The following PHACTR1 variants were observed in gnomAD, a reference collection of about 807,000 sequenced individuals.
PHACTR1 encodes the protein phosphatase and actin regulator 1.
Under a neutral mutation model 69.2 loss-of-function variants are expected in PHACTR1, and 16 were observed. That is an observed-to-expected ratio of 0.23 (90% confidence interval 0.16 to 0.35). The LOEUF (loss-of-function observed/expected upper bound fraction) is 0.35, where lower values mean the gene tolerates loss of function less well. Among genes scored for constraint, PHACTR1 ranks in the 10% least tolerant of loss-of-function variants. The pLI, the probability that PHACTR1 is intolerant of heterozygous loss-of-function variation, is 1.00. For missense variants in PHACTR1, 510 were observed against 734.7 expected (o/e 0.69, Z 3.54); for synonymous variants, 312 against 284.5 (o/e 1.10, Z -0.97).
intron 4 of PHACTR1, among the ~76,000 whole-genome samples, chr6:12,870,967 A>G (rs887103501): frequency 1.3e-5 from 2 of 152,220 alleles, no homozygotes; most frequent in Non-Finnish European, 2.9e-5. Flanking sequence ...CTGTCTTGAG[A>G]CTAAGACTCG....
chr6:13,141,669 T>C (rs1268209526), intron 5 of PHACTR1, among the ~76,000 whole-genome samples: 1 of 151,946 alleles, frequency 6.6e-6, no homozygotes, highest in Non-Finnish European at 1.5e-5. Context: ...GCACTGTGCT[T>C]TTAGACCTTT....
Position 13,000,614 on chromosome 6 carries a change from G to GAGGAAGGAAGGAATGA in PHACTR1, c.251-52738_251-52737insTGAAGGAAGGAAGGAA, listed in dbSNP as rs1797965200. Among the ~76,000 whole-genome samples, 5 of 103,650 alleles carry GAGGAAGGAAGGAATGA rather than the reference G, an allele frequency of 4.8e-5. No homozygotes were observed. In the South Asian group the frequency reaches 1.7e-3, roughly 35 times the overall value. The allele number at this position is 103,650 out of a possible 152,430, so 68.0% of individuals were successfully genotyped here. A position where few individuals can be genotyped will look rare whatever the true frequency, so the allele number is the denominator to read the frequency against. Reference sequence around the variant, plus strand: ...AGAGAAGAGAGGGAAGGAGGGAAGGGAGGAAGGAAGGAAGGAAGGAAGGAA... The same window carrying GAGGAAGGAAGGAATGA: ...AGAGAAGAGAGGGAAGGAGGGAAGGGAGGAAGGAAGGAATGAAGGAAGGAAGGAAGGAAGGAAGGAA... On this transcript the variant is annotated intron_variant, in intron 4 of 14. Transcript: ENST00000332995.
At chr6:13,161,428 G>A (rs1758992783) in intron 6 of PHACTR1, among the ~76,000 whole-genome samples, 1 of 151,984 alleles carries the variant, frequency 6.6e-6, no homozygotes, top group Non-Finnish European at 1.5e-5. Flanking sequence ...ATAACAGACT[G>A]TCACTTCCAA....
At chr6:13,171,878 T>C (rs1760674926) in intron 6 of PHACTR1, among the ~76,000 whole-genome samples, 1 of 152,200 alleles carries the variant, frequency 6.6e-6, no homozygotes, top group African/African-American at 2.4e-5. Flanking sequence ...GTGATTCTCC[T>C]GCCTCAGCTC....
At chr6:13,090,077 G>A (rs370161469) in intron 5 of PHACTR1, among the ~76,000 whole-genome samples, 5 of 152,178 alleles carry the variant, frequency 3.3e-5, no homozygotes, top group South Asian at 4.2e-4. Flanking sequence ...TTTTTGAGAC[G>A]GAGTTTCGCT....
chr6:13,006,593 T>TAC (rs1798823887), intron 4 of PHACTR1, among the ~76,000 whole-genome samples: 1 of 151,196 alleles, frequency 6.6e-6, no homozygotes, highest in Admixed American at 6.6e-5. Context: ...AATAAGGTGA[T>TAC]ATATACACAA....
At chr6:12,804,985 G>A (rs1774142508) in intron 4 of PHACTR1, among the ~76,000 whole-genome samples, 1 of 152,122 alleles carries the variant, frequency 6.6e-6, no homozygotes, top group Non-Finnish European at 1.5e-5. Context: ...AGCAATCACT[G>A]CTTCATATGC....
intron 4 of PHACTR1, among the ~76,000 whole-genome samples, chr6:12,770,203 A>G (rs1769200272): frequency 6.6e-6 from 1 of 152,218 alleles, no homozygotes; most frequent in African/African-American, 2.4e-5. Flanking sequence ...TAGCAAGACT[A>G]GTACTCCAGG....
At chr6:13,129,037 T>G (rs1439974180) in intron 5 of PHACTR1, among the ~76,000 whole-genome samples, 1 of 152,196 alleles carries the variant, frequency 6.6e-6, no homozygotes, top group Non-Finnish European at 1.5e-5. Flanking sequence ...CCAAGGATTT[T>G]GTATTCAGTG....
chr6:13,081,524 A>G (rs1811371853), intron 5 of PHACTR1, among the ~76,000 whole-genome samples: 2 of 152,158 alleles, frequency 1.3e-5, no homozygotes, highest in Non-Finnish European at 1.5e-5. Flanking sequence ...GATGTTATCA[A>G]AAGTGTACTT....
intron 8 of PHACTR1, among the ~76,000 whole-genome samples, chr6:13,209,025 A>C (rs1368423034): frequency 6.6e-5 from 10 of 152,188 alleles, no homozygotes; most frequent in East Asian, 3.9e-4. Context: ...TAACAGACCA[A>C]CCAGGCTGCA....
chr6:13,178,921 T>C (rs1169865555), intron 6 of PHACTR1, among the ~76,000 whole-genome samples: 1 of 152,204 alleles, frequency 6.6e-6, no homozygotes, highest in Non-Finnish European at 1.5e-5. Flanking sequence ...AATTTTTTAA[T>C]GCTGGTAAAG....
chr6:13,071,575 T>C (rs1197662797), intron 5 of PHACTR1, among the ~76,000 whole-genome samples: 1 of 152,056 alleles, frequency 6.6e-6, no homozygotes, highest in Non-Finnish European at 1.5e-5. Context: ...CTGTGTGGAG[T>C]AGAAGTCAGA....
intron 4 of PHACTR1, among the ~76,000 whole-genome samples, chr6:12,974,252 A>G (rs537570582): frequency 1.1e-3 from 168 of 152,032 alleles, no homozygotes; most frequent in African/African-American, 3.6e-3. Context: ...TCCTTTTCAG[A>G]GTTTCCCTAT....
chr6:12,827,028 T>G (rs1776875624), intron 4 of PHACTR1, among the ~76,000 whole-genome samples: 1 of 152,234 alleles, frequency 6.6e-6, no homozygotes, highest in Non-Finnish European at 1.5e-5. Context: ...GGATACCCAC[T>G]TTCCCTCACT....
intron 4 of PHACTR1, among the ~76,000 whole-genome samples, chr6:13,042,942 C>T (rs1804416715): frequency 6.6e-6 from 1 of 152,162 alleles, no homozygotes; most frequent in Admixed American, 6.5e-5. Context: ...AAAGAGAACC[C>T]CACTCAACCT....
intron 10 of PHACTR1, among the ~76,000 whole-genome samples, chr6:13,261,134 G>A (rs1483996038): frequency 1.3e-5 from 2 of 152,206 alleles, no homozygotes; most frequent in Non-Finnish European, 2.9e-5. Flanking sequence ...TGTGTGAACA[G>A]AAGCCAGACT....
At chr6:12,830,117 GAAAGAAAGAAA>G (rs972561302) in intron 4 of PHACTR1, among the ~76,000 whole-genome samples, 1 of 72,838 alleles carries the variant, frequency 1.4e-5, no homozygotes, top group African/African-American at 3.8e-5. Flanking sequence ...AAGAAAGAAA[GAAAGAAAGAAA>G]GAAAGAAAGA....
chr6:13,232,372 G>A lies in PHACTR1; in HGVS notation c.1391+2179G>A, dbSNP rs186992983. Among the ~76,000 whole-genome samples, 107 of 152,310 alleles carry A rather than the reference G, an allele frequency of 7.0e-4. 1 individual carries two copies. Among genetic ancestry groups the A allele is most frequent in the African/African-American group, 2.4e-3 (98 of 41,562 alleles). On this transcript the variant is annotated intron_variant, in intron 10 of 14. Coordinates refer to ENST00000332995, the MANE Select transcript of PHACTR1 (RefSeq NM_030948.6). ...GGATATTGTAATGGTACAGGGCTTT[G>A]TAAAATGGTCAACACTGATGGATGA...
Sources: allele counts gnomAD v4.1 joint callset (sites outside exome capture counted in the v4.1 genomes callset), GRCh38; gene constraint gnomAD v4.1.1; transcripts MANE v1.5; gene names NCBI Gene and HGNC (gene_info 2026-07-23, HGNC 2026-07-21).